The following KIAA1217 variants were observed in gnomAD, a reference collection of about 807,000 sequenced individuals.
The protein encoded by KIAA1217 is sickle tail protein homolog.
A neutral mutation model predicts 163.9 loss-of-function variants in KIAA1217; 88 were observed. The ratio of observed to expected loss-of-function variants is 0.54; its 90% confidence interval spans 0.45 to 0.64. The LOEUF (loss-of-function observed/expected upper bound fraction) is 0.64. Ranked by LOEUF, KIAA1217 falls within the 30% of genes least tolerant of loss-of-function variation. KIAA1217 has a pLI of 0.00. For synonymous variants in KIAA1217, 903 were observed against 923.1 expected (o/e 0.98, Z 0.39); for missense variants, 2,372 against 2,475.0 (o/e 0.96, Z 0.88).
intron 2 of KIAA1217, among the ~76,000 whole-genome samples, chr10:24,190,754 C>T (rs1227955110): frequency 6.6e-6 from 1 of 152,112 alleles, no homozygotes; most frequent in Non-Finnish European, 1.5e-5. Flanking sequence ...CCAGGAAATG[C>T]CAGCCAGAGC....
intron 1 of KIAA1217, among the ~76,000 whole-genome samples, chr10:23,717,589 G>A (rs1199766775): frequency 6.6e-6 from 1 of 152,028 alleles, no homozygotes; most frequent in Non-Finnish European, 1.5e-5. Context: ...TAGCAGGTGG[G>A]GTGGTTCAGG....
At chr10:24,453,252 CACTATCTATTTG>C (rs141497620) in intron 5 of KIAA1217, among the ~76,000 whole-genome samples, 11,637 of 152,222 alleles carry the variant, frequency 0.076, 623 homozygotes, top group East Asian at 0.18. Context: ...TTTAGAAAAA[CACTATCTATTTG>C]ACTATCTATT....
intron 2 of KIAA1217, among the ~76,000 whole-genome samples, chr10:24,120,608 G>A (rs889666127): frequency 5.9e-5 from 9 of 152,092 alleles, no homozygotes; most frequent in African/African-American, 1.9e-4. Context: ...TTCCTACCTC[G>A]CACATTCCTC....
At chr10:23,868,750 G>T (rs550350126) in intron 1 of KIAA1217, among the ~76,000 whole-genome samples, 6 of 152,126 alleles carry the variant, frequency 3.9e-5, no homozygotes, top group Non-Finnish European at 8.8e-5. Flanking sequence ...GGCCTGCTGC[G>T]TTGTCAGGAT....
At chr10:24,192,639 C>T (rs1002255185) in intron 2 of KIAA1217, among the ~76,000 whole-genome samples, 5 of 152,204 alleles carry the variant, frequency 3.3e-5, no homozygotes, top group Admixed American at 6.5e-5. Context: ...CACACCCACA[C>T]CAGGACTCTT....
chr10:24,537,173 C>A (rs1177312031), intron 17 of KIAA1217, among the ~76,000 whole-genome samples: 1 of 152,078 alleles, frequency 6.6e-6, no homozygotes, highest in African/African-American at 2.4e-5. Context: ...CTTTCTAGAA[C>A]AACTCTAGAA....
intron 1 of KIAA1217, among the ~76,000 whole-genome samples, chr10:23,721,324 T>C (rs1025480785): frequency 6.6e-6 from 1 of 152,334 alleles, no homozygotes; most frequent in South Asian, 2.1e-4. Flanking sequence ...TTGCTCCCAG[T>C]ATTATTTTAA....
At chr10:24,229,759 T>C (rs919097857) in intron 2 of KIAA1217, among the ~76,000 whole-genome samples, 1 of 152,220 alleles carries the variant, frequency 6.6e-6, no homozygotes. Context: ...CCTTGTGATC[T>C]ACCTGCCTCC....
intron 1 of KIAA1217, among the ~76,000 whole-genome samples, chr10:23,976,450 C>T (rs2131402940): frequency 6.6e-6 from 1 of 152,298 alleles, no homozygotes; most frequent in East Asian, 1.9e-4. Flanking sequence ...TACCCACAGG[C>T]ACATCTTCTA....
At chr10:24,538,744 T>TTTA (rs2074513510) in intron 17 of KIAA1217, among the ~76,000 whole-genome samples, 1 of 143,988 alleles carries the variant, frequency 6.9e-6, no homozygotes, top group Non-Finnish European at 1.5e-5. Context: ...TTTTTTTTTT[T>TTTA]TTTTTTGTGA....
chr10:24,211,555 G>T (rs149764408), intron 1 of KIAA1217, among the ~76,000 whole-genome samples: 21,044 of 63,186 alleles, frequency 0.33, 2,657 homozygotes, highest in African/African-American at 0.5. Context: ...GTATTGTATT[G>T]TATTGTATTG....
intron 3 of KIAA1217, among the ~76,000 whole-genome samples, chr10:24,427,387 G>A (rs1268540115): frequency 1.3e-5 from 2 of 152,202 alleles, no homozygotes; most frequent in Non-Finnish European, 2.9e-5. Flanking sequence ...GATGCTTGCA[G>A]GAGATGGACA....
At chr10:24,018,153 A>C (rs7910996) in intron 2 of KIAA1217, among the ~76,000 whole-genome samples, 4 of 151,850 alleles carry the variant, frequency 2.6e-5, no homozygotes, top group Non-Finnish European at 5.9e-5. Context: ...AAAAATTATA[A>C]GGAGTATGTG....
chr10:23,928,533 C>CATT (rs1196285706), intron 1 of KIAA1217, among the ~76,000 whole-genome samples: 5 of 152,120 alleles, frequency 3.3e-5, no homozygotes, highest in Admixed American at 6.5e-5. Flanking sequence ...GTTTGCAAGA[C>CATT]ATTACTCTAG....
chr10:24,400,346 T>C (rs1253183000), intron 3 of KIAA1217, among the ~76,000 whole-genome samples: 1 of 152,194 alleles, frequency 6.6e-6, no homozygotes, highest in Non-Finnish European at 1.5e-5. Flanking sequence ...TCAACAGCAC[T>C]TATCACAACC....
chr10:24,362,496 G>A (rs1156268200), intron 2 of KIAA1217, among the ~76,000 whole-genome samples: 2 of 152,214 alleles, frequency 1.3e-5, no homozygotes, highest in Admixed American at 6.5e-5. Flanking sequence ...AGGCTTTGGC[G>A]ATTAGATCTT....
chr10:23,930,374 T>C (rs559691172), intron 1 of KIAA1217, among the ~76,000 whole-genome samples: 1 of 152,322 alleles, frequency 6.6e-6, no homozygotes, highest in Admixed American at 6.5e-5. Flanking sequence ...TATATAGTTA[T>C]TATCTAAATA....
intron 1 of KIAA1217, among the ~76,000 whole-genome samples, chr10:23,794,958 A>T (rs1836128819): frequency 6.6e-6 from 1 of 152,190 alleles, no homozygotes; most frequent in South Asian, 2.1e-4. Flanking sequence ...CCAGCTTGTG[A>T]TGCCCCAAAG....
chr10:24,100,039 CCTTTT>C (rs1386225318), intron 2 of KIAA1217, among the ~76,000 whole-genome samples: 4 of 151,866 alleles, frequency 2.6e-5, no homozygotes, highest in South Asian at 4.2e-4. Context: ...CTGGGACAGC[CCTTTT>C]CTTTTATTTG....
Sources: gnomAD v4.1 joint callset for allele counts (sites outside exome capture counted in the v4.1 genomes callset) on GRCh38, gnomAD v4.1.1 for gene constraint, MANE v1.5 for transcripts, NCBI Gene and HGNC (gene_info 2026-07-23, HGNC 2026-07-21) for gene names.